Variants in EMP1 observed in about 807,000 individuals in gnomAD.
EMP1 encodes epithelial membrane protein 1.
EMP1 carries 5 observed loss-of-function variants against 15.7 expected under a neutral mutation model. The observed-to-expected ratio is 0.32, with a 90% CI of 0.17 to 0.67. The LOEUF is 0.67. Ranked by LOEUF, EMP1 falls within the 30% of genes least tolerant of loss-of-function variation. EMP1 has a pLI of 0.74. For synonymous variants in EMP1, 78 were observed against 76.7 expected (o/e 1.02, Z -0.09); for missense variants, 166 against 194.2 (o/e 0.85, Z 0.86).
rs532338175 is a variant in EMP1, at chr12:13,204,618, T to G, written c.-42-6851T>G. On this transcript the variant is annotated intron_variant, in intron 1 of 4. Coordinates refer to ENST00000256951, the MANE Select transcript of EMP1 (RefSeq NM_001423.3). ...AGGAAGGAGAGGCAGCTGCGGAGTT[T>G]CAGGTGTCACGCTGAGGAAGGTGGT... Among the ~76,000 whole-genome samples the G allele has an allele frequency of 2.6e-5, 4 of 152,316 alleles. No homozygotes were observed. The South Asian group carries it at 8.3e-4, about 32-fold the overall frequency.
At chr12:13,203,250 C>T (rs1236379162) in intron 1 of EMP1, among the ~76,000 whole-genome samples, 1 of 152,218 alleles carries the variant, frequency 6.6e-6, no homozygotes, top group East Asian at 1.9e-4. Context: ...TTGGCAACCT[C>T]TCCCTTGAAG....
intron 1 of EMP1, among the ~76,000 whole-genome samples, chr12:13,200,707 A>G (rs1026326474): frequency 2.0e-5 from 3 of 152,192 alleles, no homozygotes; most frequent in Admixed American, 6.5e-5. Flanking sequence ...ATTCACTGAT[A>G]CTAAAGCAGA....
At chr12:13,209,906 T>C (rs1010901134) in intron 1 of EMP1, among the ~76,000 whole-genome samples, 7 of 152,144 alleles carry the variant, frequency 4.6e-5, no homozygotes, top group Admixed American at 4.6e-4. Flanking sequence ...AACGTCATAA[T>C]TTTTGCATTC....
intron 1 of EMP1, chr12:13,209,561 C>T (rs1220188368): frequency 6.6e-6 from 1 of 152,168 alleles, no homozygotes. Flanking sequence ...ATAATAACCG[C>T]AGCTAAAGCA....
rs1221119506 is a variant in EMP1 at position 13,216,491 on chromosome 12, G to C, written c.*1800G>C. ...CATTATCACATGATTATAGAAGGCT[G>C]TCTTAGTGCAAAAAACATACTTACA... On this transcript the variant is annotated 3_prime_UTR_variant, in exon 5 of 5. Transcript: ENST00000256951. 1.4e-5 allele frequency: 10 copies of C among 700,580 alleles called. No homozygotes were observed. The highest frequency in any genetic ancestry group is 2.6e-5 in the Non-Finnish European group (10 of 384,186). 43.4% of individuals were successfully genotyped at this position (700,580 alleles called of 1,614,324 possible).
rs1186408439 is a variant in EMP1, at chr12:13,196,737, T to C, written c.-178T>C. Reference sequence around the variant, plus strand: ...AGAAACCGCCCATTACACACCCCAGTACACCAGCAGAGGAAACTTATAACC... The same window carrying C: ...AGAAACCGCCCATTACACACCCCAGCACACCAGCAGAGGAAACTTATAACC... On this transcript the variant is annotated 5_prime_UTR_variant, in exon 1 of 5. Coordinates refer to ENST00000256951, the MANE Select transcript of EMP1 (RefSeq NM_001423.3). 6.6e-6 allele frequency: 1 copy of C among 152,008 alleles called. No individual in the cohort carries two copies. The highest frequency in any genetic ancestry group is 1.5e-5 in the Non-Finnish European group (1 of 68,076). The allele number at this position is 152,008 out of a possible 1,614,324, so 9.4% of individuals were successfully genotyped here. A position where few individuals can be genotyped will look rare whatever the true frequency, so the allele number is the denominator to read the frequency against.
chr12:13,214,028 C>T (rs1466695084), intron 4 of EMP1: 3 of 776,028 alleles, frequency 3.9e-6, no homozygotes, highest in South Asian at 1.5e-5. Flanking sequence ...AACCAGTGCT[C>T]CTGGGTAGCT....
At position 13,216,595 on chromosome 12, in the gene EMP1, A is replaced by G; in HGVS notation, c.*1904A>G. On this transcript the variant is annotated 3_prime_UTR_variant, in exon 5 of 5. Transcript: ENST00000256951. ...ACTGGAGTAAACCATGTATTCCCTTATCTTTTACTTTTTTTCTGTGACATT... is the reference window on the plus strand; with the variant it reads ...ACTGGAGTAAACCATGTATTCCCTTGTCTTTTACTTTTTTTCTGTGACATT... 1 of 617,814 alleles carries G rather than the reference A, an allele frequency of 1.6e-6. No homozygotes were observed. The highest frequency in any genetic ancestry group is 1.9e-5 in the South Asian group (1 of 52,116). The allele number at this position is 617,814 out of a possible 1,614,324, so 38.3% of individuals were successfully genotyped here. A position where few individuals can be genotyped will look rare whatever the true frequency, so the allele number is the denominator to read the frequency against.
chr12:13,198,436 G>A (rs1448451770), intron 1 of EMP1, among the ~76,000 whole-genome samples: 1 of 152,190 alleles, frequency 6.6e-6, no homozygotes, highest in Admixed American at 6.5e-5. Flanking sequence ...CGTTGGGAGA[G>A]AAGTTACATG....
chr12:13,218,007 AAATTG>A lies in EMP1; in HGVS notation c.*3321_*3325del, dbSNP rs1240655705. 1 of 152,222 alleles carries A rather than the reference AAATTG, an allele frequency of 6.6e-6. No individual in the cohort carries two copies. The highest frequency in any genetic ancestry group is 1.5e-5 in the Non-Finnish European group (1 of 68,040). 9.4% of individuals were successfully genotyped at this position (152,222 alleles called of 1,614,324 possible). On this transcript the variant is annotated 3_prime_UTR_variant, in exon 5 of 5. Transcript: ENST00000256951. ...TGAATTAAATGTCTTAGGTAGAGACAAATTGAATTAAAGTGGTTAAGTAAATACTC... is the reference window on the plus strand; with the variant it reads ...TGAATTAAATGTCTTAGGTAGAGACAAATTAAAGTGGTTAAGTAAATACTC...
chr12:13,203,091 G>A (rs1056328434), intron 1 of EMP1, among the ~76,000 whole-genome samples: 3 of 152,132 alleles, frequency 2.0e-5, no homozygotes, highest in Non-Finnish European at 2.9e-5. Flanking sequence ...GTCTCTAGGC[G>A]AGGGGCCTCC....
intron 1 of EMP1, chr12:13,208,970 G>A (rs1864138521): frequency 6.6e-6 from 1 of 152,082 alleles, no homozygotes; most frequent in Admixed American, 6.5e-5. Context: ...TTGACTTTAG[G>A]GGTTACAGAG....
At chr12:13,202,367 G>A (rs780380859) in intron 1 of EMP1, among the ~76,000 whole-genome samples, 4 of 152,140 alleles carry the variant, frequency 2.6e-5, no homozygotes, top group Non-Finnish European at 5.9e-5. Context: ...TCCTCTTCCA[G>A]GTCAGATCAG....
intron 1 of EMP1, among the ~76,000 whole-genome samples, chr12:13,202,268 C>T (rs934714610): frequency 2.0e-5 from 3 of 152,160 alleles, no homozygotes; most frequent in African/African-American, 7.2e-5. Context: ...TTGGCTACTT[C>T]TTGTTTTTTC....
rs1864221567 is a variant in EMP1, at chr12:13,216,987, C to G, written c.*2296C>G. ...ATAGTTTTATCTTGCTTTGATTAAACCTCTTAGGCAAAAAATGGAACTTCA... is the reference window on the plus strand; with the variant it reads ...ATAGTTTTATCTTGCTTTGATTAAAGCTCTTAGGCAAAAAATGGAACTTCA... On this transcript the variant is annotated 3_prime_UTR_variant, in exon 5 of 5. Transcript: ENST00000256951. The G allele has an allele frequency of 6.6e-6, 1 of 152,566 alleles. No individual in the cohort carries two copies. Among genetic ancestry groups the G allele is most frequent in the Non-Finnish European group, 1.5e-5 (1 of 68,306 alleles). The allele number at this position is 152,566 out of a possible 1,614,324, so 9.5% of individuals were successfully genotyped here.
Position 13,215,752 on chromosome 12 carries a change from C to T in EMP1, c.*1061C>T, listed in dbSNP as rs1864209486. ...TAGACACCACCTGGAGTGATCACCT[C>T]TTGGGGACCCTGCCTATCCCACTTC... On this transcript the variant is annotated 3_prime_UTR_variant, in exon 5 of 5. Coordinates refer to ENST00000256951, the MANE Select transcript of EMP1 (RefSeq NM_001423.3). The T allele has an allele frequency of 6.5e-6, 1 of 153,144 alleles. No homozygotes were observed. The highest frequency in any genetic ancestry group is 1.5e-5 in the Non-Finnish European group (1 of 68,490). The allele number at this position is 153,144 out of a possible 1,614,324, so 9.5% of individuals were successfully genotyped here. A position where few individuals can be genotyped will look rare whatever the true frequency, so the allele number is the denominator to read the frequency against.
chr12:13,214,180 C>G (rs890153043), intron 4 of EMP1: 15 of 600,178 alleles, frequency 2.5e-5, no homozygotes, highest in Middle Eastern at 3.6e-4. Context: ...GTTGTTCTTT[C>G]CCAATATACT....
rs1020481528 is a variant in EMP1 at position 13,217,247 on chromosome 12, T to G, written c.*2556T>G. ...TGAAGGGAGGCTTCACTACTTTCTG[T>G]GAGCAGTAAGGACTGGTATCTTTCT... On this transcript the variant is annotated 3_prime_UTR_variant, in exon 5 of 5. Transcript: ENST00000256951. 9 of 152,198 alleles carry G rather than the reference T, an allele frequency of 5.9e-5. No individual in the cohort carries two copies. Among genetic ancestry groups the G allele is most frequent in the African/African-American group, 1.9e-4 (8 of 41,450 alleles). 9.4% of individuals were successfully genotyped at this position (152,198 alleles called of 1,614,324 possible).
chr12:13,204,072 C>A (rs1864089105), intron 1 of EMP1, among the ~76,000 whole-genome samples: 1 of 152,144 alleles, frequency 6.6e-6, no homozygotes, highest in African/African-American at 2.4e-5. Context: ...GCATGTAGGT[C>A]CCTGTTACTT....
Sources: gnomAD v4.1 joint callset for allele counts (sites outside exome capture counted in the v4.1 genomes callset) on GRCh38, gnomAD v4.1.1 for gene constraint, MANE v1.5 for transcripts, NCBI Gene and HGNC (gene_info 2026-07-23, HGNC 2026-07-21) for gene names.